ANGPT2: variants seen among roughly 807,000 people sequenced by gnomAD.
ANGPT2 encodes angiopoietin-2.
ANGPT2 carries 28 observed loss-of-function variants against 62.9 expected under a neutral mutation model. That is an observed-to-expected ratio of 0.44 (90% CI 0.33 to 0.61). ANGPT2 has a LOEUF of 0.61. Among genes scored for constraint, ANGPT2 ranks in the 20% least tolerant of loss-of-function variants. The pLI, the probability that ANGPT2 is intolerant of heterozygous loss-of-function variation, is 0.03. For synonymous variants in ANGPT2, 284 were observed against 207.8 expected (o/e 1.37, Z -3.15); for missense variants, 727 against 594.9 (o/e 1.22, Z -2.31).
At chr8:6,506,607 C>G (rs1323502706) in intron 8 of ANGPT2, among the ~76,000 whole-genome samples, 1 of 152,036 alleles carries the variant, frequency 6.6e-6, no homozygotes, top group Non-Finnish European at 1.5e-5. Context: ...TCCACCTGAC[C>G]CTTTCCCTGC....
chr8:6,518,052 C>G (rs139707776), intron 5 of ANGPT2, among the ~76,000 whole-genome samples: 4 of 152,024 alleles, frequency 2.6e-5, no homozygotes, highest in African/African-American at 7.2e-5. Context: ...ATATTTTCAT[C>G]TTTCTGCAGA....
chr8:6,515,234 A>C (rs928264549), intron 5 of ANGPT2, among the ~76,000 whole-genome samples: 1 of 152,098 alleles, frequency 6.6e-6, no homozygotes, highest in Non-Finnish European at 1.5e-5. Flanking sequence ...ACAGAGAGCT[A>C]TGTGAAGGGG....
intron 8 of ANGPT2, 139 bp downstream of exon 8, chr8:6,508,793 C>G (rs999814405): frequency 2.1e-5 from 25 of 1,212,840 alleles, no homozygotes; most frequent in Non-Finnish European, 3.0e-5. Flanking sequence ...AACACATTTA[C>G]CTATATCAAG....
chr8:6,509,565 A>G (rs1814528804), intron 7 of ANGPT2, among the ~76,000 whole-genome samples: 1 of 152,132 alleles, frequency 6.6e-6, no homozygotes, highest in African/African-American at 2.4e-5. Context: ...CCTTGTGGCT[A>G]CATTTCCTCA....
chr8:6,533,811 G>T (rs1427794730), intron 1 of ANGPT2, among the ~76,000 whole-genome samples: 3 of 152,078 alleles, frequency 2.0e-5, no homozygotes, highest in African/African-American at 7.2e-5. Context: ...CATCAGACAT[G>T]ATTTCCCCCA....
chr8:6,501,058 C>T lies in ANGPT2; in HGVS notation c.*2043G>A, dbSNP rs573579423. ...TCAACTTGATACAAGGCCATGATAC[C>T]GTTGTTGAATTCATAAAACCTTCTT... is the stretch of plus-strand genomic sequence containing the variant. On this transcript the variant is annotated 3_prime_UTR_variant, in exon 9 of 9. Coordinates refer to ENST00000629816, the MANE Select transcript of ANGPT2 (RefSeq NM_001118887.2). 6 of 152,090 alleles carry T rather than the reference C, an allele frequency of 3.9e-5. No homozygotes were observed. The highest frequency in any genetic ancestry group is 8.8e-5 in the Non-Finnish European group (6 of 68,026). 9.4% of individuals were successfully genotyped at this position (152,090 alleles called of 1,614,324 possible). A position where few individuals can be genotyped will look rare whatever the true frequency, so the allele number is the denominator to read the frequency against.
At position 6,508,979 on chromosome 8, in the gene ANGPT2, C is replaced by T. The variant is rs748888754; in HGVS notation, c.1280G>A (p.Gly427Glu). ...QPGNDFSTKD[G>E]DNDKCICKCS... is the part of the protein sequence containing the mutation. ...TTTGCAAATACATTTGTCGTTGTCT[C>T]CATCCTTTGTGCTAAAATCATTTCC... is the stretch of plus-strand genomic sequence containing the variant. Residue 427 changes from glycine to glutamate, a missense_variant, in exon 8 of 9, where the codon GGA (glycine) becomes GAA (glutamate). Gly to Glu is a moderately conservative substitution (Grantham distance 98, BLOSUM62 -2). Coordinates refer to ENST00000629816, the MANE Select transcript of ANGPT2 (RefSeq NM_001118887.2). 13 of 1,614,148 alleles carry T rather than the reference C, an allele frequency of 8.1e-6. No individual in the cohort carries two copies. Among genetic ancestry groups the T allele is most frequent in the Non-Finnish European group, 1.1e-5 (13 of 1,180,026 alleles).
chr8:6,547,037 A>T (rs1255462472), intron 1 of ANGPT2, among the ~76,000 whole-genome samples: 2 of 152,104 alleles, frequency 1.3e-5, no homozygotes, highest in African/African-American at 2.4e-5. Flanking sequence ...TCAGAGCAAC[A>T]TGCACGTGTT....
Position 6,527,597 on chromosome 8 carries a change from A to G in ANGPT2, c.524T>C (p.Leu175Ser). ...TTTGTTTATTTCACTGGTCTGGTCCAAAATCTGTTTTTCCAATTTGTTTGT... is the reference window on the plus strand; with the variant it reads ...TTTGTTTATTTCACTGGTCTGGTCCGAAATCTGTTTTTCCAATTTGTTTGT... ...LSTNKLEKQI[L>S]DQTSEINKLQ... The change falls in exon 3 of 9, where the codon TTG (leucine) becomes TCG (serine). Residue 175 changes from leucine to serine, a missense_variant. Leu to Ser is a moderately radical substitution (Grantham distance 145). Coordinates refer to ENST00000629816, the MANE Select transcript of ANGPT2 (RefSeq NM_001118887.2). The G allele has an allele frequency of 6.2e-7, 1 of 1,614,006 alleles. No individual in the cohort carries two copies. Among genetic ancestry groups the G allele is most frequent in the Non-Finnish European group, 8.5e-7 (1 of 1,179,932 alleles).
chr8:6,526,252 T>C (rs1818304770), intron 3 of ANGPT2, among the ~76,000 whole-genome samples: 2 of 109,150 alleles, frequency 1.8e-5, no homozygotes, highest in African/African-American at 7.0e-5. Flanking sequence ...AAACCTTGCC[T>C]CTACTAAAAA....
At chr8:6,539,855 A>G (rs4430118) in intron 1 of ANGPT2, among the ~76,000 whole-genome samples, 86,806 of 151,914 alleles carry the variant, frequency 0.57, 26,447 homozygotes, top group Non-Finnish European at 0.68. Flanking sequence ...CCAAAGTGCT[A>G]GGATTACAGG....
At chr8:6,516,883 C>T (rs1330955114) in intron 5 of ANGPT2, among the ~76,000 whole-genome samples, 1 of 152,128 alleles carries the variant, frequency 6.6e-6, no homozygotes, top group Non-Finnish European at 1.5e-5. Flanking sequence ...AGGCAAAACT[C>T]TTAAATGTCT....
At chr8:6,529,623 ATTT>A (rs35322987) in intron 2 of ANGPT2, among the ~76,000 whole-genome samples, 2 of 120,960 alleles carry the variant, frequency 1.7e-5, no homozygotes, top group Non-Finnish European at 1.7e-5. Context: ...CGCCTGGCTA[ATTT>A]TTTTTTTTTT....
intron 8 of ANGPT2, among the ~76,000 whole-genome samples, chr8:6,507,191 C>A (rs776501651): frequency 3.3e-5 from 5 of 152,210 alleles, no homozygotes; most frequent in Non-Finnish European, 5.9e-5. Flanking sequence ...GGCCACCATG[C>A]CCAGCCCTAT....
In ANGPT2 at chr8:6,527,899, A is replaced by ATTTTTTTTTTTTTTTTT. The variant is rs71213313; in HGVS notation, c.445-224_445-223insAAAAAAAAAAAAAAAAA. Among the ~76,000 whole-genome samples, 62 of 133,108 alleles carry ATTTTTTTTTTTTTTTTT rather than the reference A, an allele frequency of 4.7e-4. 2 individuals are homozygous for ATTTTTTTTTTTTTTTTT. Among genetic ancestry groups the ATTTTTTTTTTTTTTTTT allele is most frequent in the South Asian group, 7.4e-4 (3 of 4,042 alleles). 87.3% of individuals were successfully genotyped at this position (133,108 alleles called of 152,430 possible). A position where few individuals can be genotyped will look rare whatever the true frequency, so the allele number is the denominator to read the frequency against. ...TTTTTACTCTTTTCCCCACGTCTCT[A>ATTTTTTTTTTTTTTTTT]TTTTTTTTTTTTTTGAGATGGAATC... is the stretch of plus-strand genomic sequence containing the variant. On this transcript the variant is annotated intron_variant, in intron 2 of 8. Transcript: ENST00000629816.
intron 1 of ANGPT2, among the ~76,000 whole-genome samples, chr8:6,535,282 T>C (rs1586451137): frequency 6.6e-6 from 1 of 152,190 alleles, no homozygotes; most frequent in Non-Finnish European, 1.5e-5. Context: ...TCTCCAGAGA[T>C]ATGAGAGGAT....
At chr8:6,513,976 A>G (rs1000225212) in intron 6 of ANGPT2, 132 bp from the exon 7 acceptor site, 1 of 868,116 alleles carries the variant, frequency 1.2e-6, no homozygotes, top group African/African-American at 1.7e-5. Context: ...GTGACAATTT[A>G]GGGTCCTTCC....
chr8:6,502,129 G>A lies in ANGPT2; in HGVS notation c.*972C>T, dbSNP rs1040412925. On this transcript the variant is annotated 3_prime_UTR_variant, in exon 9 of 9. Transcript: ENST00000629816. The stretch of plus-strand genomic sequence containing the variant: ...TTACTAGGAAAGAAAACAGACCTCT[G>A]TTTTAGAATAGTGAGAAGATAGTAA... 2 of 152,018 alleles carry A rather than the reference G, an allele frequency of 1.3e-5. No individual in the cohort carries two copies. Among genetic ancestry groups the A allele is most frequent in the Admixed American group, 6.6e-5 (1 of 15,256 alleles). 9.4% of individuals were successfully genotyped at this position (152,018 alleles called of 1,614,324 possible).
intron 1 of ANGPT2, among the ~76,000 whole-genome samples, chr8:6,538,763 T>C (rs919008581): frequency 1.3e-5 from 2 of 152,216 alleles, no homozygotes; most frequent in African/African-American, 4.8e-5. Flanking sequence ...ATGTTCTTGC[T>C]TGCTTGGTGA....
Sources: gnomAD v4.1 joint callset for allele counts (sites outside exome capture counted in the v4.1 genomes callset) on GRCh38, gnomAD v4.1.1 for gene constraint, MANE v1.5 for transcripts, NCBI Gene and HGNC (gene_info 2026-07-23, HGNC 2026-07-21) for gene names.